GPC5: variants seen among roughly 807,000 people sequenced by gnomAD.
GPC5 encodes glypican-5.
A neutral mutation model predicts 53.9 loss-of-function variants in GPC5; 47 were observed. The observed-to-expected ratio is 0.87, with a 90% confidence interval of 0.69 to 1.11. The LOEUF is 1.11. Ranked by LOEUF, GPC5 falls within the 50% of genes most tolerant of loss-of-function variation. The pLI, the probability that GPC5 is intolerant of heterozygous loss-of-function variation, is 0.00. For missense variants in GPC5, 748 were observed against 713.1 expected (o/e 1.05, Z -0.56); for synonymous variants, 286 against 263.3 (o/e 1.09, Z -0.84).
At chr13:92,130,980 A>T (rs1364854937) in intron 6 of GPC5, among the ~76,000 whole-genome samples, 1 of 152,004 alleles carries the variant, frequency 6.6e-6, no homozygotes, top group African/African-American at 2.4e-5. Context: ...CAGAATTAAT[A>T]AAGAACTCTT....
intron 2 of GPC5, among the ~76,000 whole-genome samples, chr13:91,687,310 G>T (rs1053697973): frequency 9.9e-5 from 15 of 151,810 alleles, no homozygotes; most frequent in African/African-American, 3.6e-4. Context: ...ATCTCTACCA[G>T]TTTTATTTAA....
intron 2 of GPC5, among the ~76,000 whole-genome samples, chr13:91,494,547 C>T (rs1884143713): frequency 6.6e-6 from 1 of 152,128 alleles, no homozygotes; most frequent in Non-Finnish European, 1.5e-5. Flanking sequence ...CAATTTCTCT[C>T]ACCCTACTCT....
intron 7 of GPC5, among the ~76,000 whole-genome samples, chr13:92,307,027 A>G (rs16947323): frequency 0.057 from 8,648 of 152,308 alleles, 273 homozygotes; most frequent in East Asian, 0.098. Flanking sequence ...ATTTTATGGT[A>G]GAGAGCAAGA....
At chr13:91,564,642 A>G (rs1041840929) in intron 2 of GPC5, among the ~76,000 whole-genome samples, 3 of 152,192 alleles carry the variant, frequency 2.0e-5, no homozygotes, top group Non-Finnish European at 4.4e-5. Flanking sequence ...ACTGTTTTCT[A>G]ATCTCTGTCA....
rs115653471 is a variant in GPC5, at chr13:91,748,148, A to G, written c.1155-8147A>G. On this transcript the variant is annotated intron_variant, in intron 4 of 7. Transcript: ENST00000377067. ...ACAGATGATCTCTAAGGCTCTTTCT[A>G]TCTCTGTCTTCATAACGCAGCATAT... Among the ~76,000 whole-genome samples the G allele has an allele frequency of 8.0e-3, 1,218 of 152,328 alleles. 21 individuals carry two copies. Among genetic ancestry groups the G allele is most frequent in the African/African-American group, 0.029 (1,186 of 41,570 alleles).
At chr13:91,758,576 C>T (rs2037344283) in intron 5 of GPC5, among the ~76,000 whole-genome samples, 1 of 151,976 alleles carries the variant, frequency 6.6e-6, no homozygotes, top group Admixed American at 6.6e-5. Flanking sequence ...ATTTTCAGCT[C>T]AATGAATATA....
intron 5 of GPC5, among the ~76,000 whole-genome samples, chr13:91,812,445 T>C (rs886493696): frequency 6.6e-6 from 1 of 152,204 alleles, no homozygotes; most frequent in Non-Finnish European, 1.5e-5. Flanking sequence ...ACTAGCTGCT[T>C]TATACTCTGC....
intron 7 of GPC5, among the ~76,000 whole-genome samples, chr13:92,480,299 T>C (rs1329360142): frequency 6.6e-6 from 1 of 152,138 alleles, no homozygotes; most frequent in African/African-American, 2.4e-5. Flanking sequence ...AACATTGCCT[T>C]GTTTACACAG....
intron 7 of GPC5, among the ~76,000 whole-genome samples, chr13:92,722,425 A>G (rs180890207): frequency 2.6e-5 from 4 of 151,956 alleles, no homozygotes; most frequent in African/African-American, 9.6e-5. Context: ...AATATATGGA[A>G]CCTATTGGCA....
At chr13:92,317,182 G>T (rs180852153) in intron 7 of GPC5, among the ~76,000 whole-genome samples, 1 of 152,026 alleles carries the variant, frequency 6.6e-6, no homozygotes, top group South Asian at 2.1e-4. Context: ...GTGGGAAGTC[G>T]CCCAAAGGCC....
chr13:92,097,676 G>A (rs2041432864), intron 6 of GPC5, among the ~76,000 whole-genome samples: 1 of 152,176 alleles, frequency 6.6e-6, no homozygotes, highest in South Asian at 2.1e-4. Context: ...AATATTCTTT[G>A]AGAATGTTAT....
intron 7 of GPC5, among the ~76,000 whole-genome samples, chr13:92,298,581 T>C (rs2043054423): frequency 6.6e-6 from 1 of 152,200 alleles, no homozygotes; most frequent in Non-Finnish European, 1.5e-5. Flanking sequence ...TCTCCCATAA[T>C]CTGGGCCTTC....
intron 5 of GPC5, among the ~76,000 whole-genome samples, chr13:91,835,495 A>G (rs1485338691): frequency 6.6e-6 from 1 of 152,234 alleles, no homozygotes; most frequent in African/African-American, 2.4e-5. Flanking sequence ...CCAAATGCCC[A>G]TCAATGATAG....
intron 6 of GPC5, among the ~76,000 whole-genome samples, chr13:92,125,582 A>G (rs1354540718): frequency 2.6e-5 from 4 of 152,082 alleles, no homozygotes; most frequent in African/African-American, 9.7e-5. Flanking sequence ...AGGGAGGGGG[A>G]AAGAGAAAAG....
intron 7 of GPC5, among the ~76,000 whole-genome samples, chr13:92,414,566 A>G (rs566522924): frequency 1.2e-4 from 18 of 152,196 alleles, no homozygotes; most frequent in Non-Finnish European, 1.5e-4. Context: ...TTGAGAGTAT[A>G]TAACAGGGAA....
chr13:92,224,816 T>G (rs1187492603), intron 7 of GPC5, among the ~76,000 whole-genome samples: 1 of 152,334 alleles, frequency 6.6e-6, no homozygotes, highest in East Asian at 1.9e-4. Flanking sequence ...AGAAGAGGAC[T>G]CTTAGAAGCT....
intron 2 of GPC5, among the ~76,000 whole-genome samples, chr13:91,658,189 C>G (rs2034893741): frequency 6.6e-6 from 1 of 152,032 alleles, no homozygotes; most frequent in East Asian, 1.9e-4. Context: ...TGATTTAGTT[C>G]CCACCTATCA....
intron 6 of GPC5, among the ~76,000 whole-genome samples, chr13:91,942,888 C>T (rs1173343202): frequency 6.6e-6 from 1 of 151,988 alleles, no homozygotes; most frequent in African/African-American, 2.4e-5. Flanking sequence ...CATTAACCAT[C>T]CATATACATA....
intron 7 of GPC5, among the ~76,000 whole-genome samples, chr13:92,573,974 G>A (rs1478529035): frequency 1.3e-5 from 2 of 152,110 alleles, no homozygotes. Flanking sequence ...AACAGCAATC[G>A]CACCTTCTCC....
Sources: gnomAD v4.1 joint callset for allele counts (sites outside exome capture counted in the v4.1 genomes callset) on GRCh38, gnomAD v4.1.1 for gene constraint, MANE v1.5 for transcripts, NCBI Gene and HGNC (gene_info 2026-07-23, HGNC 2026-07-21) for gene names.